MAP2K5: variants seen among roughly 807,000 people sequenced by gnomAD.
The protein encoded by MAP2K5 is dual specificity mitogen-activated protein kinase kinase 5.
MAP2K5 carries 49 observed loss-of-function variants against 83.1 expected under a neutral mutation model. The observed-to-expected ratio is 0.59, with a 90% confidence interval of 0.47 to 0.75. The LOEUF is 0.75. Among genes scored for constraint, MAP2K5 ranks in the 30% least tolerant of loss-of-function variants. MAP2K5 has a pLI of 0.00. For missense variants in MAP2K5, 457 were observed against 557.5 expected, an observed-to-expected ratio of 0.82 and a Z score of 1.82; for synonymous variants, 202 against 191.8, an observed-to-expected ratio of 1.05 and a Z score of -0.44.
In MAP2K5 at chr15:67,785,634, G is replaced by T. The variant is rs1041622154; in HGVS notation, c.1242+12882G>T. 6.6e-6 allele frequency among the ~76,000 whole-genome samples: 1 copy of T among 152,212 alleles called. No individual in the cohort carries two copies. Among genetic ancestry groups the T allele is most frequent in the Non-Finnish European group, 1.5e-5 (1 of 68,046 alleles). Reference sequence around the variant, plus strand: ...CACAGATGTCCACACCAACACAGGTGCTGGAGGTGTGGAGGCAGCAGGGGA... The same window carrying T: ...CACAGATGTCCACACCAACACAGGTTCTGGAGGTGTGGAGGCAGCAGGGGA... On this transcript the variant is annotated intron_variant, in intron 21 of 21. Coordinates refer to ENST00000178640, the MANE Select transcript of MAP2K5 (RefSeq NM_145160.3). The surrounding 1 kb of genome is among the most constrained non-coding windows in gnomAD (Gnocchi z 4.4).
At chr15:67,610,575 A>G (rs2085896168) in intron 8 of MAP2K5, among the ~76,000 whole-genome samples, 2 of 152,188 alleles carry the variant, frequency 1.3e-5, no homozygotes, top group Non-Finnish European at 2.9e-5. Context: ...GGAAAGTCCA[A>G]AAGGCATTTA....
chr15:67,629,226 A>G, intron 8 of MAP2K5: 1 of 630,520 alleles, frequency 1.6e-6, no homozygotes, highest in Non-Finnish European at 2.9e-6. Flanking sequence ...AACTCAGCCA[A>G]GCACGGTGGT....
chr15:67,599,127 G>A (rs764884167), intron 7 of MAP2K5, among the ~76,000 whole-genome samples: 1 of 152,030 alleles, frequency 6.6e-6, no homozygotes, highest in Non-Finnish European at 1.5e-5. Context: ...TTATCATTCG[G>A]TCCAGAATAA....
intron 21 of MAP2K5, among the ~76,000 whole-genome samples, chr15:67,792,746 C>T (rs2090540113): frequency 6.6e-6 from 1 of 152,126 alleles, no homozygotes; most frequent in South Asian, 2.1e-4. Context: ...TTCTTTTCCG[C>T]CCCCCGCTTT....
chr15:67,569,430 T>G (rs2084907364), intron 3 of MAP2K5, among the ~76,000 whole-genome samples: 1 of 152,254 alleles, frequency 6.6e-6, no homozygotes, highest in Non-Finnish European at 1.5e-5. Flanking sequence ...GGGATTTGTT[T>G]ATTTACTCAA....
At chr15:67,591,343 T>C (rs1185595784) in intron 6 of MAP2K5, among the ~76,000 whole-genome samples, 1 of 148,856 alleles carries the variant, frequency 6.7e-6, no homozygotes, top group Non-Finnish European at 1.5e-5. Flanking sequence ...AGACTCTGTC[T>C]CAAAAAAAAA....
rs750641211 is a variant in MAP2K5 at position 67,719,865 on chromosome 15, T to G, written c.1045-8051T>G. 6.6e-6 allele frequency among the ~76,000 whole-genome samples: 1 copy of G among 152,238 alleles called. No individual in the cohort carries two copies. The highest frequency in any genetic ancestry group is 1.5e-5 in the Non-Finnish European group (1 of 68,034). On this transcript the variant is annotated intron_variant, in intron 16 of 21. Transcript: ENST00000178640. This position sits in a 1 kb window ranked among gnomAD's most constrained non-coding sequence, Gnocchi z 4.6. ...TCTCATTAATCATGACTAAACTTTA[T>G]GTCTCTTTAACTCAGAGTCTCTCAC...
In MAP2K5 at chr15:67,603,230, T is replaced by C. The variant is rs1025945967; in HGVS notation, c.545+2481T>C. Among the ~76,000 whole-genome samples the C allele has an allele frequency of 2.5e-4, 38 of 152,252 alleles. 1 individual carries two copies. The highest frequency in any genetic ancestry group is 6.8e-3 in the Middle Eastern group (2 of 294). The stretch of plus-strand genomic sequence containing the variant: ...AACTCTGCACCCATTAAACAGTAAC[T>C]CCCCCATCACTCTGTTAATGTTGTT... On this transcript the variant is annotated intron_variant, in intron 8 of 21. Transcript: ENST00000178640.
Position 67,734,145 on chromosome 15 carries a change from C to T in MAP2K5, c.1074+6200C>T, listed in dbSNP as rs147077662. Among the ~76,000 whole-genome samples the T allele has an allele frequency of 5.1e-3, 772 of 152,262 alleles. 4 individuals are homozygous for T. Among genetic ancestry groups the T allele is most frequent in the African/African-American group, 0.017 (719 of 41,548 alleles). On this transcript the variant is annotated intron_variant, in intron 17 of 21. Transcript: ENST00000178640. ...TTATCTGAGCACTTTCATTTAAAAC[C>T]GATTAATTTATTTGCTGCATCTGAA...
rs2088998295 is a variant in MAP2K5 at position 67,722,945 on chromosome 15, T to G, written c.1045-4971T>G. The stretch of plus-strand genomic sequence containing the variant: ...AATGCTTATTTTCAATTTGTAGTTA[T>G]GCCGAGAAACATAGAATATGTCTAA... On this transcript the variant is annotated intron_variant, in intron 16 of 21. Transcript: ENST00000178640. The surrounding 1 kb of genome is among the most constrained non-coding windows in gnomAD (Gnocchi z 4.2). Among the ~76,000 whole-genome samples, 1 of 152,176 alleles carries G rather than the reference T, an allele frequency of 6.6e-6. No individual in the cohort carries two copies. Among genetic ancestry groups the G allele is most frequent in the African/African-American group, 2.4e-5 (1 of 41,456 alleles).
chr15:67,731,479 A>G (rs925933085), intron 17 of MAP2K5, among the ~76,000 whole-genome samples: 1 of 152,192 alleles, frequency 6.6e-6, no homozygotes, highest in African/African-American at 2.4e-5. Context: ...TTTGGGTTGC[A>G]TAACTTCCTT....
chr15:67,573,056 C>T lies in MAP2K5; in HGVS notation c.253-7698C>T, dbSNP rs2084980186. ...TTCTGTTTTCAAGATATTAGGGTAT[C>T]AGGACATTCCTGAACCTGGGTATGT... On this transcript the variant is annotated intron_variant, in intron 3 of 21. Coordinates refer to ENST00000178640, the MANE Select transcript of MAP2K5 (RefSeq NM_145160.3). This position sits in a 1 kb window ranked among gnomAD's most constrained non-coding sequence, Gnocchi z 4.2. 6.6e-6 allele frequency among the ~76,000 whole-genome samples: 1 copy of T among 152,122 alleles called. No homozygotes were observed. The highest frequency in any genetic ancestry group is 2.4e-5 in the African/African-American group (1 of 41,416).
At chr15:67,641,136 A>G (rs1274910159) in intron 9 of MAP2K5, among the ~76,000 whole-genome samples, 9 of 152,202 alleles carry the variant, frequency 5.9e-5, no homozygotes, top group Non-Finnish European at 8.8e-5. Flanking sequence ...TGCTTGGAGG[A>G]TTTAATAGAT....
rs560601380 is a variant in MAP2K5 at position 67,690,830 on chromosome 15, G to A, written c.848-1649G>A. Reference sequence around the variant, plus strand: ...ATTACATGCGTGAGCCACTGCTCCCGGCCATGTATTAGTAAATTTAATGTA... The same window carrying A: ...ATTACATGCGTGAGCCACTGCTCCCAGCCATGTATTAGTAAATTTAATGTA... On this transcript the variant is annotated intron_variant, in intron 13 of 21. Coordinates refer to ENST00000178640, the MANE Select transcript of MAP2K5 (RefSeq NM_145160.3). This position sits in a 1 kb window ranked among gnomAD's most constrained non-coding sequence, Gnocchi z 4.3. Among the ~76,000 whole-genome samples, 21 of 152,154 alleles carry A rather than the reference G, an allele frequency of 1.4e-4. No individual in the cohort carries two copies. The highest frequency in any genetic ancestry group is 9.2e-4 in the Admixed American group (14 of 15,282).
At chr15:67,711,285 A>C (rs1274434209) in intron 16 of MAP2K5, among the ~76,000 whole-genome samples, 3 of 152,248 alleles carry the variant, frequency 2.0e-5, no homozygotes, top group African/African-American at 7.2e-5. Context: ...AGTCTTTAAT[A>C]TAAATGCCCG....
intron 8 of MAP2K5, among the ~76,000 whole-genome samples, chr15:67,614,457 T>C (rs1312548465): frequency 1.3e-5 from 2 of 152,204 alleles, no homozygotes; most frequent in East Asian, 3.8e-4. Context: ...GAGAGTTTCC[T>C]AGCTAGTCAA....
chr15:67,639,557 G>A (rs952837036), intron 9 of MAP2K5, among the ~76,000 whole-genome samples: 4 of 152,130 alleles, frequency 2.6e-5, no homozygotes, highest in Non-Finnish European at 4.4e-5. Context: ...CCCCCCTGCC[G>A]GCGCTGCTCA....
intron 8 of MAP2K5, among the ~76,000 whole-genome samples, chr15:67,616,731 C>T (rs1277194780): frequency 6.6e-6 from 1 of 152,180 alleles, no homozygotes; most frequent in Non-Finnish European, 1.5e-5. Flanking sequence ...CCATCACTTT[C>T]TTTCTTGCTT....
intron 8 of MAP2K5, among the ~76,000 whole-genome samples, chr15:67,623,897 A>ACTTCCTAC (rs1289221990): frequency 2.7e-5 from 4 of 149,822 alleles, no homozygotes; most frequent in Admixed American, 2.0e-4. Flanking sequence ...GCCCCCGGCT[A>ACTTCCTAC]CTTCCTACCT....
Sources: gnomAD v4.1 joint callset for allele counts (sites outside exome capture counted in the v4.1 genomes callset) on GRCh38, gnomAD v4.1.1 for gene constraint, Gnocchi (gnomAD v3.1) non-coding constraint, MANE v1.5 for transcripts, NCBI Gene and HGNC (gene_info 2026-07-23, HGNC 2026-07-21) for gene names.